The following PCNX4 variants were observed in gnomAD, a reference collection of about 807,000 sequenced individuals.
PCNX4 encodes the protein pecanex 4.
PCNX4 carries 103 observed loss-of-function variants against 107.2 expected under a neutral mutation model. That is an observed-to-expected ratio of 0.96 (90% CI 0.82 to 1.13). The LOEUF (loss-of-function observed/expected upper bound fraction) is 1.13, where lower values mean the gene tolerates loss of function less well. Ranked by LOEUF, PCNX4 falls within the 50% of genes most tolerant of loss-of-function variation. The pLI, the probability that PCNX4 is intolerant of heterozygous loss-of-function variation, is 0.00. For synonymous variants in PCNX4, 541 were observed against 481.7 expected (o/e 1.12, Z -1.61); for missense variants, 1,528 against 1,379.4 (o/e 1.11, Z -1.71).
At chr14:60,117,382 G>A (rs1486298336) in intron 6 of PCNX4, among the ~76,000 whole-genome samples, 1 of 152,124 alleles carries the variant, frequency 6.6e-6, no homozygotes, top group Non-Finnish European at 1.5e-5. Context: ...ATTGAGTACT[G>A]TAACATTCAG....
rs191422813 is a variant in PCNX4, at chr14:60,102,621, C to T, written c.-53-4965C>T. On this transcript the variant is annotated intron_variant, in intron 1 of 10. Transcript: ENST00000406854. The stretch of plus-strand genomic sequence containing the variant: ...CTTTCAGAGTAGTATGTGAAGAAAG[C>T]CTATGGCTTAAATTAGTGTTGTGAT... Among the ~76,000 whole-genome samples, 82 of 152,274 alleles carry T rather than the reference C, an allele frequency of 5.4e-4. 1 individual carries two copies. The highest frequency in any genetic ancestry group is 1.8e-3 in the African/African-American group (75 of 41,576).
In PCNX4 at chr14:60,139,166, G is replaced by C. The variant is rs891563276; in HGVS notation, c.*4945G>C. The C allele has an allele frequency of 6.6e-6, 1 of 151,914 alleles. No individual in the cohort carries two copies. Among genetic ancestry groups the C allele is most frequent in the Non-Finnish European group, 1.5e-5 (1 of 67,934 alleles). 9.4% of individuals were successfully genotyped at this position (151,914 alleles called of 1,614,324 possible). On this transcript the variant is annotated 3_prime_UTR_variant, in exon 11 of 11. Coordinates refer to ENST00000406854, the MANE Select transcript of PCNX4 (RefSeq NM_001330177.2). ...TGAATAGACAGTGTACCAATTAAAT[G>C]CAAAGATCATCAAAGTGAAAAGAAA... is the stretch of plus-strand genomic sequence containing the variant.
chr14:60,097,862 G>A (rs1895454935), intron 1 of PCNX4, among the ~76,000 whole-genome samples: 2 of 152,182 alleles, frequency 1.3e-5, no homozygotes, highest in Admixed American at 1.3e-4. Context: ...CATCTACAGT[G>A]TTATTTCTGC....
chr14:60,112,969 G>T (rs1011958819), intron 2 of PCNX4, among the ~76,000 whole-genome samples: 6 of 152,218 alleles, frequency 3.9e-5, no homozygotes, highest in Admixed American at 1.3e-4. Flanking sequence ...GGATAACGAG[G>T]TCAAGACATC....
chr14:60,115,337 A>ATTT lies in PCNX4; in HGVS notation c.1234_1235insTTT (p.Val411_Tyr412insPhe). 6.2e-7 allele frequency: 1 copy of ATTT among 1,606,444 alleles called. No individual in the cohort carries two copies. Among genetic ancestry groups the ATTT allele is most frequent in the Non-Finnish European group, 8.5e-7 (1 of 1,175,148 alleles). On this transcript the variant is annotated inframe_insertion, in exon 4 of 11. Transcript: ENST00000406854. ...GGATACTTAGAGAAATTCAAAGCGT[A>ATTT]TATATCATTGGAATTTTCCGAAATC...
At chr14:60,129,822 T>C (rs1003809206) in intron 10 of PCNX4, among the ~76,000 whole-genome samples, 5 of 152,008 alleles carry the variant, frequency 3.3e-5, no homozygotes, top group African/African-American at 1.2e-4. Context: ...TAGTCAACCA[T>C]TGAGGAAATA....
rs1896251203 is a variant in PCNX4, at chr14:60,137,300, A to AC, written c.*3081dup. On this transcript the variant is annotated 3_prime_UTR_variant, in exon 11 of 11. Coordinates refer to ENST00000406854, the MANE Select transcript of PCNX4 (RefSeq NM_001330177.2). ...TGAGTTAGAGGGACAAAAACTGGAG[A>AC]CCAAGACTCTCCAAGGAAGTAGGGG... 11 of 152,320 alleles carry AC rather than the reference A, an allele frequency of 7.2e-5. No homozygotes were observed. In the South Asian group the frequency reaches 2.3e-3, roughly 32 times the overall value. 9.4% of individuals were successfully genotyped at this position (152,320 alleles called of 1,614,324 possible).
At position 60,125,688 on chromosome 14, in the gene PCNX4, C is replaced by CT. The variant is rs778974155; in HGVS notation, c.3135dup (p.Arg1046Ter). On this transcript the variant is annotated frameshift_variant, in exon 10 of 11. Transcript: ENST00000406854. LOFTEE classifies it high-confidence loss of function. Reference sequence around the variant, plus strand: ...AAGCAAGTTTAGGTCCAATAGAAGACTTTAGAGAACTGATTAAGTACCTTG... The same window carrying CT: ...AAGCAAGTTTAGGTCCAATAGAAGACTTTTAGAGAACTGATTAAGTACCTTG... The CT allele has an allele frequency of 2.5e-6, 4 of 1,593,532 alleles. No homozygotes were observed. In the African/African-American group the frequency reaches 5.4e-5, roughly 21 times the overall value.
Position 60,125,254 on chromosome 14 carries a change from A to T in PCNX4, c.3080+3A>T. The T allele has an allele frequency of 1.3e-6, 2 of 1,540,528 alleles. No individual in the cohort carries two copies. Reference sequence around the variant, plus strand: ...CAACTAGCACTGAAAGCATTCAGGTAATCCATTTTGATCATATGTAAGTTA... The same window carrying T: ...CAACTAGCACTGAAAGCATTCAGGTTATCCATTTTGATCATATGTAAGTTA... On this transcript the variant is annotated splice_donor_region_variant and intron_variant, in intron 9 of 10. Coordinates refer to ENST00000406854, the MANE Select transcript of PCNX4 (RefSeq NM_001330177.2).
At chr14:60,131,499 G>A (rs1285094696) in intron 10 of PCNX4, among the ~76,000 whole-genome samples, 1 of 152,048 alleles carries the variant, frequency 6.6e-6, no homozygotes, top group East Asian at 1.9e-4. Context: ...AGGAAAAATT[G>A]AACAGTAGTA....
In PCNX4 at chr14:60,113,116, C is replaced by T. The variant is rs553879422; in HGVS notation, c.690-1584C>T. Among the ~76,000 whole-genome samples the T allele has an allele frequency of 3.9e-5, 6 of 152,152 alleles. No homozygotes were observed. In the East Asian group the frequency reaches 5.8e-4, roughly 15 times the overall value. Reference sequence around the variant, plus strand: ...GAATCGCTTGAACCCGGGAGGCAGACGTTGCAGTGAGCCGAGATTGCGCCA... The same window carrying T: ...GAATCGCTTGAACCCGGGAGGCAGATGTTGCAGTGAGCCGAGATTGCGCCA... On this transcript the variant is annotated intron_variant, in intron 2 of 10. Transcript: ENST00000406854.
intron 2 of PCNX4, among the ~76,000 whole-genome samples, chr14:60,113,043 G>A (rs952419755): frequency 2.0e-5 from 3 of 152,092 alleles, no homozygotes; most frequent in Admixed American, 6.5e-5. Flanking sequence ...TTAGCTGGGC[G>A]TGGTGGCGTG....
Position 60,139,668 on chromosome 14 carries a change from T to C in PCNX4, c.*5447T>C, listed in dbSNP as rs920153850. 1 of 152,138 alleles carries C rather than the reference T, an allele frequency of 6.6e-6. No homozygotes were observed. The highest frequency in any genetic ancestry group is 1.5e-5 in the Non-Finnish European group (1 of 67,964). 9.4% of individuals were successfully genotyped at this position (152,138 alleles called of 1,614,324 possible). On this transcript the variant is annotated 3_prime_UTR_variant, in exon 11 of 11. Transcript: ENST00000406854. ...AATACACATTATTTTCAAATGCAGA[T>C]AGAATATTTATCAAAACTGACCATA...
In PCNX4 at chr14:60,107,844, A is replaced by C; in HGVS notation, c.206A>C (p.Asp69Ala). 14 of 1,612,704 alleles carry C rather than the reference A, an allele frequency of 8.7e-6. No homozygotes were observed. The highest frequency in any genetic ancestry group is 1.1e-5 in the Non-Finnish European group (13 of 1,179,710). The change falls in exon 2 of 11, where the codon GAC becomes GCC. Residue 69 changes from aspartate to alanine, a missense_variant. Transcript: ENST00000406854. ...TLLYQLGILKDYYTAALSGGL... is the reference protein window; with the variant it reads ...TLLYQLGILKAYYTAALSGGL... ...TTATACCAGTTAGGCATCCTGAAAG[A>C]CTATTATACAGCAGCACTTTCAGGT...
At chr14:60,115,594 T>G in intron 4 of PCNX4, 125 bp from the exon 5 acceptor site, 1 of 1,360,412 alleles carries the variant, frequency 7.4e-7, no homozygotes, top group Non-Finnish European at 9.9e-7. Context: ...TATGGTTTTT[T>G]GTTTATTGGC....
At position 60,142,581 on chromosome 14, in the gene PCNX4, G is replaced by A. The variant is rs1896319547; in HGVS notation, c.*8360G>A. On this transcript the variant is annotated 3_prime_UTR_variant, in exon 11 of 11. Transcript: ENST00000406854. This position sits in a 1 kb window ranked among gnomAD's most constrained non-coding sequence, Gnocchi z 4.7. Reference sequence around the variant, plus strand: ...CATTTGGCTTTCACAGCTCTTGACTGTCTTTGGCGAACCTTGACATAAAGC... The same window carrying A: ...CATTTGGCTTTCACAGCTCTTGACTATCTTTGGCGAACCTTGACATAAAGC... 6.6e-6 allele frequency: 1 copy of A among 152,222 alleles called. No homozygotes were observed. The allele number at this position is 152,222 out of a possible 1,614,324, so 9.4% of individuals were successfully genotyped here.
At chr14:60,132,698 C>G (rs1264001769) in intron 10 of PCNX4, among the ~76,000 whole-genome samples, 1 of 151,638 alleles carries the variant, frequency 6.6e-6, no homozygotes, top group Non-Finnish European at 1.5e-5. Flanking sequence ...AATATTTGCC[C>G]ATATCTGATA....
Position 60,142,268 on chromosome 14 carries a change from G to A in PCNX4, c.*8047G>A, listed in dbSNP as rs1262404420. The A allele has an allele frequency of 5.3e-5, 8 of 152,282 alleles. No homozygotes were observed. The East Asian group carries it at 1.5e-3, about 29-fold the overall frequency. 9.4% of individuals were successfully genotyped at this position (152,282 alleles called of 1,614,324 possible). A position where few individuals can be genotyped will look rare whatever the true frequency, so the allele number is the denominator to read the frequency against. On this transcript the variant is annotated 3_prime_UTR_variant, in exon 11 of 11. Coordinates refer to ENST00000406854, the MANE Select transcript of PCNX4 (RefSeq NM_001330177.2). This position sits in a 1 kb window ranked among gnomAD's most constrained non-coding sequence, Gnocchi z 4.7. The stretch of plus-strand genomic sequence containing the variant: ...ACATCAATTATACCTCAGTAAAGGT[G>A]TCAGAAATAACAGGATATTTATATT...
intron 1 of PCNX4, among the ~76,000 whole-genome samples, chr14:60,099,595 A>T (rs569350827): frequency 6.6e-6 from 1 of 152,224 alleles, no homozygotes; most frequent in Non-Finnish European, 1.5e-5. Flanking sequence ...CACTGAGCAC[A>T]TTGTAGGTAC....
Sources: allele counts gnomAD v4.1 joint callset (sites outside exome capture counted in the v4.1 genomes callset), GRCh38; gene constraint gnomAD v4.1.1; non-coding constraint Gnocchi (gnomAD v3.1); transcripts MANE v1.5; gene names NCBI Gene and HGNC (gene_info 2026-07-23, HGNC 2026-07-21).